Variants in CAMKK1 observed in about 807,000 individuals in gnomAD.
The protein encoded by CAMKK1 is calcium/calmodulin dependent protein kinase kinase 1, also known as calcium/calmodulin-dependent protein kinase kinase 1.
A neutral mutation model predicts 63.5 loss-of-function variants in CAMKK1; 20 were observed. That is an observed-to-expected ratio of 0.32 (90% CI 0.22 to 0.46). The LOEUF is 0.46. Among genes scored for constraint, CAMKK1 ranks in the 20% least tolerant of loss-of-function variants. The pLI, the probability that CAMKK1 is intolerant of heterozygous loss-of-function variation, is 1.00. For synonymous variants in CAMKK1, 253 were observed against 269.0 expected, an observed-to-expected ratio of 0.94 and a Z score of 0.58; for missense variants, 588 against 658.1, an observed-to-expected ratio of 0.89 and a Z score of 1.17.
intron 10 of CAMKK1, among the ~76,000 whole-genome samples, chr17:3,875,967 G>C (rs1275573705): frequency 6.6e-6 from 1 of 152,172 alleles, no homozygotes; most frequent in East Asian, 1.9e-4. Flanking sequence ...CTTTGTTTCT[G>C]CCTCTTCCAC....
Position 3,890,548 on chromosome 17 carries a change from C to A in CAMKK1, c.-44+2391G>T. ...ATTCAACTCAGCATCTTCCCCAAAC[C>A]TGCTCGTCCTCCTCTGTCTCCATTG... On this transcript the variant is annotated intron_variant, in intron 1 of 15. Coordinates refer to ENST00000348335, the MANE Select transcript of CAMKK1 (RefSeq NM_032294.3). This position sits in a 1 kb window ranked among gnomAD's most constrained non-coding sequence, Gnocchi z 6.5. 1.4e-6 allele frequency: 1 copy of A among 724,602 alleles called. No homozygotes were observed. Among genetic ancestry groups the A allele is most frequent in the South Asian group, 1.5e-5 (1 of 65,500 alleles). The allele number at this position is 724,602 out of a possible 1,614,324, so 44.9% of individuals were successfully genotyped here. A position where few individuals can be genotyped will look rare whatever the true frequency, so the allele number is the denominator to read the frequency against.
chr17:3,863,816 G>GT (rs2054407846), intron 15 of CAMKK1, among the ~76,000 whole-genome samples: 2 of 152,174 alleles, frequency 1.3e-5, no homozygotes, highest in South Asian at 4.1e-4. Flanking sequence ...TGTTTGCCAG[G>GT]TACAAACTAG....
At chr17:3,863,745 C>T (rs79522968) in intron 15 of CAMKK1, among the ~76,000 whole-genome samples, 3,054 of 152,050 alleles carry the variant, frequency 0.02, 84 homozygotes, top group African/African-American at 0.069. Flanking sequence ...CCAAATTAAA[C>T]TTGGGTCACA....
Position 3,889,965 on chromosome 17 carries a change from C to T in CAMKK1, c.-44+2974G>A, listed in dbSNP as rs2143909696. On this transcript the variant is annotated intron_variant, in intron 1 of 15. Coordinates refer to ENST00000348335, the MANE Select transcript of CAMKK1 (RefSeq NM_032294.3). This position sits in a 1 kb window ranked among gnomAD's most constrained non-coding sequence, Gnocchi z 5.2. ...AGGCCTCATTCTGAGCGCTGGAAGGCCGCTGTGAACCCCAGTGCCAAGCCG... is the reference window on the plus strand; with the variant it reads ...AGGCCTCATTCTGAGCGCTGGAAGGTCGCTGTGAACCCCAGTGCCAAGCCG... Among the ~76,000 whole-genome samples, 1 of 152,344 alleles carries T rather than the reference C, an allele frequency of 6.6e-6. No homozygotes were observed. Among genetic ancestry groups the T allele is most frequent in the East Asian group, 1.9e-4 (1 of 5,186 alleles).
intron 13 of CAMKK1, 36 bp from the exon 14 acceptor site, chr17:3,869,651 G>T: frequency 1.2e-6 from 2 of 1,613,896 alleles, no homozygotes; most frequent in Non-Finnish European, 1.7e-6. Flanking sequence ...AGGGGGAGAG[G>T]TCAGGCCATT....
At chr17:3,869,020 G>A (rs922970805) in intron 14 of CAMKK1, among the ~76,000 whole-genome samples, 1 of 149,190 alleles carries the variant, frequency 6.7e-6, no homozygotes, top group Non-Finnish European at 1.5e-5. Context: ...CCAGGCTGGA[G>A]TGCAGTGGCG....
intron 10 of CAMKK1, 100 bp downstream of exon 10, chr17:3,876,123 C>A: frequency 8.7e-7 from 1 of 1,146,300 alleles, no homozygotes; most frequent in Non-Finnish European, 1.2e-6. Flanking sequence ...ACTCCCTAGA[C>A]ACAAAGACCC....
intron 8 of CAMKK1, 97 bp from the exon 9 acceptor site, chr17:3,880,531 G>A: frequency 1.2e-6 from 1 of 841,384 alleles, no homozygotes; most frequent in Non-Finnish European, 2.0e-6. Context: ...GCCCACATGA[G>A]TCCCTACAAC....
intron 14 of CAMKK1, among the ~76,000 whole-genome samples, chr17:3,869,192 C>T (rs755194657): frequency 6.6e-6 from 1 of 151,926 alleles, no homozygotes; most frequent in Non-Finnish European, 1.5e-5. Flanking sequence ...CTCCTGACCT[C>T]GTGATCTGCC....
intron 15 of CAMKK1, among the ~76,000 whole-genome samples, chr17:3,863,761 C>A (rs1458416327): frequency 6.6e-6 from 1 of 151,922 alleles, no homozygotes. Flanking sequence ...TCACAGAATT[C>A]TAGAATTTTA....
chr17:3,865,947 C>T lies in CAMKK1; in HGVS notation c.1406G>A (p.Arg469Lys), dbSNP rs1028946778. ...TGGAGCAGACATGGATCGCTCTTCC[C>T]TCCGTGCTTGGGGCTCAAACGGGTT... ...FGNPFEPQAR[R>K]EERSMSAPGN... is the part of the protein sequence containing the mutation. The change falls in exon 15 of 16, where the codon AGG (arginine) becomes AAG (lysine). Residue 469 changes from arginine (R) to lysine (K), a missense_variant. Arg to Lys is a conservative substitution (Grantham distance 26). Around this residue, in one of 3 missense-constraint regions of CAMKK1, gnomAD observed 226 missense variants for 229.2 expected, o/e 0.99. Transcript: ENST00000348335. 2 of 1,614,124 alleles carry T rather than the reference C, an allele frequency of 1.2e-6. No homozygotes were observed. Among genetic ancestry groups the T allele is most frequent in the African/African-American group, 1.3e-5 (1 of 74,942 alleles).
At chr17:3,871,132 C>T (rs1409166018) in intron 12 of CAMKK1, among the ~76,000 whole-genome samples, 2 of 151,940 alleles carry the variant, frequency 1.3e-5, no homozygotes, top group Non-Finnish European at 2.9e-5. Context: ...AGCAGCGAGA[C>T]CAGGGGGAAG....
Position 3,860,671 on chromosome 17 carries a change from G to A in CAMKK1, c.*1540C>T, listed in dbSNP as rs892390891. Reference sequence around the variant, plus strand: ...CACACTGCCTTAGCCCAGAGGAGCCGGGGAGAAACGTGGACCCACTGACAA... The same window carrying A: ...CACACTGCCTTAGCCCAGAGGAGCCAGGGAGAAACGTGGACCCACTGACAA... On this transcript the variant is annotated 3_prime_UTR_variant, in exon 16 of 16. Coordinates refer to ENST00000348335, the MANE Select transcript of CAMKK1 (RefSeq NM_032294.3). 5 of 152,198 alleles carry A rather than the reference G, an allele frequency of 3.3e-5. No homozygotes were observed. Among genetic ancestry groups the A allele is most frequent in the African/African-American group, 1.2e-4 (5 of 41,434 alleles). 9.4% of individuals were successfully genotyped at this position (152,198 alleles called of 1,614,324 possible).
chr17:3,868,127 G>A lies in CAMKK1; in HGVS notation c.1341+1360C>T, dbSNP rs762821085. On this transcript the variant is annotated intron_variant, in intron 14 of 15. Coordinates refer to ENST00000348335, the MANE Select transcript of CAMKK1 (RefSeq NM_032294.3). ...AGCAGGCGCCGTCTAACTGATACGT[G>A]GGCTCTGGGGGAGAAGCAGGCGCCG... is the stretch of plus-strand genomic sequence containing the variant. Among the ~76,000 whole-genome samples, 121 of 53,532 alleles carry A rather than the reference G, an allele frequency of 2.3e-3. 17 individuals are homozygous for A. The highest frequency in any genetic ancestry group is 8.6e-3 in the Middle Eastern group (1 of 116). The allele number at this position is 53,532 out of a possible 152,430, so 35.1% of individuals were successfully genotyped here.
rs775812310 is a variant in CAMKK1 at position 3,872,594 on chromosome 17, G to A, written c.1084C>T (p.His362Tyr). 1 of 1,614,008 alleles carries A rather than the reference G, an allele frequency of 6.2e-7. No individual in the cohort carries two copies. The highest frequency in any genetic ancestry group is 8.5e-7 in the Non-Finnish European group (1 of 1,179,872). The change falls in exon 12 of 16, where the codon CAC becomes TAC. Residue 362 changes from histidine to tyrosine, a missense_variant. Physicochemically the swap from His to Tyr is moderately conservative, Grantham distance 83. Around this residue, in one of 3 missense-constraint regions of CAMKK1, gnomAD observed 226 missense variants for 229.2 expected, o/e 0.99. Transcript: ENST00000348335. ...PFIDDFILALHRKIKNEPVVF... is the reference protein window; with the variant it reads ...PFIDDFILALYRKIKNEPVVF... ...ACGGGCTCATTCTTGATCTTCCTGT[G>A]GAGGGCCAGGATGAAATCGTCGATG...
Position 3,879,024 on chromosome 17 carries a change from G to A in CAMKK1, c.796+1322C>T, listed in dbSNP as rs2055291439. 6.6e-6 allele frequency: 1 copy of A among 152,186 alleles called. No homozygotes were observed. Among genetic ancestry groups the A allele is most frequent in the South Asian group, 2.1e-4 (1 of 4,828 alleles). The allele number at this position is 152,186 out of a possible 1,614,324, so 9.4% of individuals were successfully genotyped here. ...AGACAGGCTTTTGCCACGTTGGCCAGGCTGGTCTCAAACCCCTGACCTCAG... is the reference window on the plus strand; with the variant it reads ...AGACAGGCTTTTGCCACGTTGGCCAAGCTGGTCTCAAACCCCTGACCTCAG... On this transcript the variant is annotated intron_variant, in intron 9 of 15. Coordinates refer to ENST00000348335, the MANE Select transcript of CAMKK1 (RefSeq NM_032294.3). The surrounding 1 kb of genome is among the most constrained non-coding windows in gnomAD (Gnocchi z 4.5).
At position 3,880,451 on chromosome 17, in the gene CAMKK1, G is replaced by A. The variant is rs374754501; in HGVS notation, c.708-17C>T. ...ATGACGGGCCTATGGAGAAGGATGCGGGGAGGGGCATTCAGCTGAAATCAG... is the reference window on the plus strand; with the variant it reads ...ATGACGGGCCTATGGAGAAGGATGCAGGGAGGGGCATTCAGCTGAAATCAG... On this transcript the variant is annotated splice_polypyrimidine_tract_variant and intron_variant, in intron 8 of 15. Coordinates refer to ENST00000348335, the MANE Select transcript of CAMKK1 (RefSeq NM_032294.3). 9.1e-5 allele frequency: 146 copies of A among 1,605,698 alleles called. No individual in the cohort carries two copies. Among genetic ancestry groups the A allele is most frequent in the South Asian group, 3.8e-4 (34 of 90,096 alleles).
intron 12 of CAMKK1, among the ~76,000 whole-genome samples, chr17:3,871,274 G>A (rs1456038885): frequency 2.6e-5 from 4 of 151,382 alleles, no homozygotes; most frequent in African/African-American, 9.7e-5. Flanking sequence ...AAGCAGAAGA[G>A]AGCAGGAGTC....
chr17:3,876,981 C>T (rs952458753), intron 9 of CAMKK1, among the ~76,000 whole-genome samples: 7 of 152,028 alleles, frequency 4.6e-5, no homozygotes, highest in African/African-American at 1.7e-4. Context: ...TGGTCTTGAA[C>T]TCCTGACCTC....
Sources: gnomAD v4.1 joint callset for allele counts (sites outside exome capture counted in the v4.1 genomes callset) on GRCh38, gnomAD v4.1.1 for gene constraint, gnomAD v4.1.1 regional missense constraint, Gnocchi (gnomAD v3.1) non-coding constraint, MANE v1.5 for transcripts, NCBI Gene and HGNC (gene_info 2026-07-23, HGNC 2026-07-21) for gene names.